PABPC4L: variants seen among roughly 807,000 people sequenced by gnomAD.
PABPC4L encodes the protein polyadenylate-binding protein 4-like.
For synonymous variants in PABPC4L, 169 were observed against 164.1 expected, an observed-to-expected ratio of 1.03 and a Z score of -0.23; for missense variants, 452 against 451.4, an observed-to-expected ratio of 1.00 and a Z score of -0.01.
At chr4:134,004,134 G>A in the PABPC4L span, among the ~76,000 whole-genome samples, 2 of 151,696 alleles carry the variant, frequency 1.3e-5, no homozygotes, top group Admixed American at 6.6e-5. Context: ...AGCAAAAATA[G>A]ACAAATATGA....
chr4:134,170,079 A>C, the PABPC4L span, among the ~76,000 whole-genome samples: 1 of 152,110 alleles, frequency 6.6e-6, no homozygotes, highest in Non-Finnish European at 1.5e-5. Context: ...TTTCCCAAGT[A>C]GAACTGTGTC....
chr4:134,180,364 C>T, the PABPC4L span, among the ~76,000 whole-genome samples: 1 of 151,570 alleles, frequency 6.6e-6, no homozygotes, highest in African/African-American at 2.4e-5. Context: ...TACAACACAC[C>T]AGAATCTCTA....
chr4:134,129,396 C>A, the PABPC4L span, among the ~76,000 whole-genome samples: 1 of 151,986 alleles, frequency 6.6e-6, no homozygotes, highest in Admixed American at 6.6e-5. Context: ...GCACACAGAA[C>A]GTTCTCCAAG....
the PABPC4L span, among the ~76,000 whole-genome samples, chr4:134,114,588 G>T: frequency 6.6e-6 from 1 of 151,744 alleles, no homozygotes; most frequent in East Asian, 2.0e-4. Context: ...AACTGCCCTG[G>T]GTGTGCCTGC....
chr4:134,093,747 G>A, the PABPC4L span, among the ~76,000 whole-genome samples: 2 of 151,038 alleles, frequency 1.3e-5, no homozygotes, highest in African/African-American at 2.4e-5. Flanking sequence ...GCTTGCTTTG[G>A]AAGGGAGTCT....
chr4:134,031,312 A>T, the PABPC4L span, among the ~76,000 whole-genome samples: 2 of 151,808 alleles, frequency 1.3e-5, no homozygotes, highest in African/African-American at 4.8e-5. Flanking sequence ...TTTTAGTAGC[A>T]TCATTGCCAA....
the PABPC4L span, among the ~76,000 whole-genome samples, chr4:134,138,120 A>T: frequency 2.0e-5 from 3 of 151,776 alleles, no homozygotes; most frequent in Non-Finnish European, 4.4e-5. Flanking sequence ...AAACAGCATT[A>T]AAGTCTGCAT....
At chr4:134,078,541 T>C in the PABPC4L span, among the ~76,000 whole-genome samples, 9 of 151,990 alleles carry the variant, frequency 5.9e-5, 2 homozygotes, top group Admixed American at 2.6e-4. Flanking sequence ...TCCTGGAAAG[T>C]GGAATTATGT....
At chr4:134,046,448 C>G in the PABPC4L span, among the ~76,000 whole-genome samples, 4 of 152,108 alleles carry the variant, frequency 2.6e-5, no homozygotes, top group Non-Finnish European at 4.4e-5. Context: ...AATGTACCAT[C>G]TGGTTTTACA....
At chr4:134,177,108 A>G in the PABPC4L span, among the ~76,000 whole-genome samples, 979 of 150,840 alleles carry the variant, frequency 6.5e-3, 10 homozygotes, top group African/African-American at 0.022. Context: ...CACTCCTGCC[A>G]CACCCCCACC....
At chr4:134,134,656 T>C in the PABPC4L span, among the ~76,000 whole-genome samples, 2 of 149,930 alleles carry the variant, frequency 1.3e-5, no homozygotes, top group African/African-American at 2.4e-5. Flanking sequence ...TCAGCCAAAA[T>C]AGCAATTTTA....
chr4:133,975,457 C>T, the PABPC4L span, among the ~76,000 whole-genome samples: 1 of 152,010 alleles, frequency 6.6e-6, no homozygotes, highest in Non-Finnish European at 1.5e-5. Flanking sequence ...CTAAATTGTG[C>T]ATTTAAAAAG....
At chr4:134,179,470 C>A in the PABPC4L span, among the ~76,000 whole-genome samples, 3 of 152,032 alleles carry the variant, frequency 2.0e-5, no homozygotes, top group African/African-American at 7.2e-5. Context: ...TGTAAAACAG[C>A]CACACAAAGA....
the PABPC4L span, among the ~76,000 whole-genome samples, chr4:134,099,620 A>T: frequency 6.6e-6 from 1 of 151,722 alleles, no homozygotes; most frequent in Non-Finnish European, 1.5e-5. Context: ...AAAAACAATT[A>T]CAAAATGGGG....
At chr4:134,137,907 A>C in the PABPC4L span, among the ~76,000 whole-genome samples, 1 of 151,792 alleles carries the variant, frequency 6.6e-6, no homozygotes, top group Non-Finnish European at 1.5e-5. Flanking sequence ...TGTGTTATTA[A>C]GTACATTTCC....
chr4:134,105,263 A>T, the PABPC4L span, among the ~76,000 whole-genome samples: 1 of 151,894 alleles, frequency 6.6e-6, no homozygotes, highest in African/African-American at 2.4e-5. Context: ...ACTTCAATTT[A>T]AAAATATATC....
chr4:134,022,227 T>G, the PABPC4L span, among the ~76,000 whole-genome samples: 1 of 152,174 alleles, frequency 6.6e-6, no homozygotes, highest in Admixed American at 6.6e-5. Context: ...GTTTTAATAC[T>G]GTTTGCCCCA....
At chr4:133,978,140 C>G in the PABPC4L span, 1 of 152,084 alleles carries the variant, frequency 6.6e-6, no homozygotes, top group Non-Finnish European at 1.5e-5. Context: ...TTAATTGCAC[C>G]AGATGTGCTG....
the PABPC4L span, among the ~76,000 whole-genome samples, chr4:134,146,453 C>A: frequency 5.3e-4 from 80 of 151,896 alleles, no homozygotes; most frequent in Middle Eastern, 3.4e-3. Context: ...AAAATGGCAC[C>A]CAGCAGCTTC....
Sources: gnomAD v4.1 joint callset for allele counts (sites outside exome capture counted in the v4.1 genomes callset) on GRCh38, gnomAD v4.1.1 for gene constraint, MANE v1.5 for transcripts, NCBI Gene and HGNC (gene_info 2026-07-23, HGNC 2026-07-21) for gene names.